Variants in PPM1E observed in about 807,000 individuals in gnomAD.
PPM1E encodes the protein protein phosphatase, Mg2+/Mn2+ dependent 1E, also known as protein phosphatase 1E.
PPM1E carries 20 observed loss-of-function variants against 65.9 expected under a neutral mutation model. The observed-to-expected ratio is 0.30, with a 90% CI of 0.21 to 0.44. The LOEUF (loss-of-function observed/expected upper bound fraction) is 0.44. Among genes scored for constraint, PPM1E ranks in the 20% least tolerant of loss-of-function variants. The pLI, the probability that PPM1E is intolerant of heterozygous loss-of-function variation, is 1.00. For missense variants in PPM1E, 713 were observed against 953.1 expected (o/e 0.75, Z 3.32); for synonymous variants, 352 against 374.9 (o/e 0.94, Z 0.70).
chr17:58,945,783 T>A (rs1235121684), intron 1 of PPM1E, among the ~76,000 whole-genome samples: 1 of 152,144 alleles, frequency 6.6e-6, no homozygotes, highest in African/African-American at 2.4e-5. Flanking sequence ...ATAAAGGATA[T>A]AAATGAACAG....
At position 58,983,148 on chromosome 17, in the gene PPM1E, A is replaced by AG. The variant is rs1028872594; in HGVS notation, c.*2121dup. 22 of 477,154 alleles carry AG rather than the reference A, an allele frequency of 4.6e-5. No individual in the cohort carries two copies. The highest frequency in any genetic ancestry group is 7.9e-5 in the Non-Finnish European group (21 of 267,374). 29.6% of individuals were successfully genotyped at this position (477,154 alleles called of 1,614,324 possible). ...CTGGGACAAACACAGACCCATCTTT[A>AG]GGGGTCTGGATTTTGTAGGTCCGAC... is the stretch of plus-strand genomic sequence containing the variant. On this transcript the variant is annotated 3_prime_UTR_variant, in exon 7 of 7. Transcript: ENST00000308249.
chr17:58,860,894 G>A (rs1409807487), intron 1 of PPM1E, among the ~76,000 whole-genome samples: 2 of 151,694 alleles, frequency 1.3e-5, no homozygotes, highest in African/African-American at 2.4e-5. Context: ...CCAAGATCAC[G>A]CCACTGCACT....
chr17:58,777,991 A>G (rs768865551), intron 1 of PPM1E, among the ~76,000 whole-genome samples: 105 of 151,870 alleles, frequency 6.9e-4, no homozygotes, highest in Non-Finnish European at 1.0e-3. Context: ...GTACGGTGGC[A>G]TGATCATGGC....
At chr17:58,757,434 C>A (rs865810402) in intron 1 of PPM1E, among the ~76,000 whole-genome samples, 3 of 152,024 alleles carry the variant, frequency 2.0e-5, no homozygotes, top group African/African-American at 4.8e-5. Flanking sequence ...GGAATTGTTC[C>A]GAAATAATGA....
intron 1 of PPM1E, among the ~76,000 whole-genome samples, chr17:58,908,881 C>G (rs1384043336): frequency 6.6e-6 from 1 of 152,100 alleles, no homozygotes; most frequent in Middle Eastern, 3.2e-3. Context: ...TAACTCCTAC[C>G]TCCCATCCCT....
chr17:58,933,840 T>C (rs373775922), intron 1 of PPM1E, among the ~76,000 whole-genome samples: 1 of 149,226 alleles, frequency 6.7e-6, no homozygotes, highest in African/African-American at 2.5e-5. Context: ...CTCACGCCTG[T>C]AATCCCAATG....
chr17:58,795,034 G>C (rs536511148), intron 1 of PPM1E, among the ~76,000 whole-genome samples: 1 of 151,766 alleles, frequency 6.6e-6, no homozygotes, highest in African/African-American at 2.4e-5. Flanking sequence ...GGTTACAGGA[G>C]CCCACCCCCA....
At chr17:58,805,966 AAAAAAAACAAAAAAAAAACAAAACAAAAC>A (rs1237948653) in intron 1 of PPM1E, among the ~76,000 whole-genome samples, 4 of 114,162 alleles carry the variant, frequency 3.5e-5, no homozygotes, top group East Asian at 5.7e-4. Flanking sequence ...AAAAACAAAA[AAAAAAAACAAAAAAAAAACAAAACAAAAC>A]AAAACAAAAA....
intron 1 of PPM1E, chr17:58,785,416 C>T (rs1391207168): frequency 7.0e-6 from 1 of 142,408 alleles, no homozygotes; most frequent in Non-Finnish European, 1.5e-5. Flanking sequence ...ATTCTTCTGC[C>T]TCAGCCTCCC....
At chr17:58,914,219 T>C (rs1348860817) in intron 1 of PPM1E, among the ~76,000 whole-genome samples, 2 of 152,224 alleles carry the variant, frequency 1.3e-5, no homozygotes, top group African/African-American at 4.8e-5. Flanking sequence ...TCTTACATTA[T>C]CATGGTGTGT....
At chr17:58,860,400 A>G (rs2143298488) in intron 1 of PPM1E, among the ~76,000 whole-genome samples, 1 of 152,292 alleles carries the variant, frequency 6.6e-6, no homozygotes, top group East Asian at 1.9e-4. Flanking sequence ...AATGGTGTGC[A>G]TACAGTATTC....
chr17:58,855,268 G>A (rs915493740), intron 1 of PPM1E, among the ~76,000 whole-genome samples: 1 of 152,094 alleles, frequency 6.6e-6, no homozygotes, highest in Non-Finnish European at 1.5e-5. Flanking sequence ...AACCTGCTAG[G>A]GTTTTGTTAG....
intron 1 of PPM1E, among the ~76,000 whole-genome samples, chr17:58,909,924 C>CTT (rs35833275): frequency 0.014 from 1,281 of 90,036 alleles, 90 homozygotes; most frequent in Admixed American, 0.041. Context: ...TTTTCTTTTT[C>CTT]TTTTTTTTTT....
intron 1 of PPM1E, among the ~76,000 whole-genome samples, chr17:58,911,359 CTTTAT>C (rs946022391): frequency 9.9e-5 from 15 of 152,024 alleles, no homozygotes; most frequent in African/African-American, 3.6e-4. Context: ...ATTTTTTTCT[CTTTAT>C]TTTAATTGTA....
At chr17:58,965,643 A>ACAC (rs745680852) in intron 2 of PPM1E, 51 bp from the exon 3 acceptor site, 1 of 1,570,844 alleles carries the variant, frequency 6.4e-7, no homozygotes, top group Non-Finnish European at 8.7e-7. Flanking sequence ...AGAGAAGTGA[A>ACAC]AAGCAGTTTT....
At chr17:58,764,057 C>T (rs1294527115) in intron 1 of PPM1E, among the ~76,000 whole-genome samples, 2 of 151,874 alleles carry the variant, frequency 1.3e-5, no homozygotes, top group East Asian at 3.9e-4. Context: ...CTTATTTTAA[C>T]TCAATATATC....
At chr17:58,797,596 GT>G (rs577966341) in intron 1 of PPM1E, among the ~76,000 whole-genome samples, 50 of 152,238 alleles carry the variant, frequency 3.3e-4, no homozygotes, top group African/African-American at 1.2e-3. Flanking sequence ...ATGTACCACA[GT>G]TTTTTCATTT....
At chr17:58,956,106 G>A (rs1448781568) in intron 2 of PPM1E, among the ~76,000 whole-genome samples, 5 of 152,064 alleles carry the variant, frequency 3.3e-5, no homozygotes, top group East Asian at 3.9e-4. Context: ...GGGAGAATTC[G>A]AGCAAAACCT....
chr17:58,791,035 G>A (rs2050152591), intron 1 of PPM1E, among the ~76,000 whole-genome samples: 1 of 151,908 alleles, frequency 6.6e-6, no homozygotes, highest in South Asian at 2.1e-4. Context: ...GACTACAGGT[G>A]CCCGCCACCC....
Sources: allele counts gnomAD v4.1 joint callset (sites outside exome capture counted in the v4.1 genomes callset), GRCh38; gene constraint gnomAD v4.1.1; transcripts MANE v1.5; gene names NCBI Gene and HGNC (gene_info 2026-07-23, HGNC 2026-07-21).